The following SOCS5 variants were observed in gnomAD, a reference collection of about 807,000 sequenced individuals.
The protein encoded by SOCS5 is suppressor of cytokine signaling 5.
A neutral mutation model predicts 42.8 loss-of-function variants in SOCS5; 32 were observed. The observed-to-expected ratio is 0.75, with a 90% CI of 0.56 to 1.01. SOCS5 has a LOEUF of 1.01. Among genes scored for constraint, SOCS5 ranks in the 50% least tolerant of loss-of-function variants. The pLI is 0.00. For missense variants in SOCS5, 627 were observed against 653.0 expected, an observed-to-expected ratio of 0.96 and a Z score of 0.43; for synonymous variants, 283 against 229.6, an observed-to-expected ratio of 1.23 and a Z score of -2.10.
chr2:46,719,236 C>G (rs1558402733), intron 1 of SOCS5, among the ~76,000 whole-genome samples: 1 of 152,088 alleles, frequency 6.6e-6, no homozygotes, highest in African/African-American at 2.4e-5. Flanking sequence ...TGATACATGT[C>G]CAATCCTTTT....
chr2:46,719,618 G>C (rs564377113), intron 1 of SOCS5, among the ~76,000 whole-genome samples: 1 of 152,152 alleles, frequency 6.6e-6, no homozygotes, highest in East Asian at 1.9e-4. Flanking sequence ...TTTGACGTCT[G>C]TATCCCTGGC....
At chr2:46,707,409 G>A (rs1672520533) in intron 1 of SOCS5, among the ~76,000 whole-genome samples, 1 of 152,206 alleles carries the variant, frequency 6.6e-6, no homozygotes, top group African/African-American at 2.4e-5. Context: ...GCTAATGATT[G>A]TAAATAGTAT....
intron 1 of SOCS5, among the ~76,000 whole-genome samples, chr2:46,735,006 C>G (rs969419739): frequency 1.2e-4 from 19 of 152,222 alleles, no homozygotes; most frequent in African/African-American, 4.3e-4. Flanking sequence ...CCATTTTCCA[C>G]TTGGCACATA....
chr2:46,722,937 G>T (rs1672913962), intron 1 of SOCS5, among the ~76,000 whole-genome samples: 1 of 151,966 alleles, frequency 6.6e-6, no homozygotes. Flanking sequence ...TATGTACTCA[G>T]TTGCCTTCCA....
intron 1 of SOCS5, among the ~76,000 whole-genome samples, chr2:46,703,308 C>G (rs1672386308): frequency 6.6e-6 from 1 of 151,346 alleles, no homozygotes; most frequent in Admixed American, 6.6e-5. Context: ...CAAAGTGATG[C>G]TAGCAGGGCT....
At chr2:46,727,658 A>G (rs1280412598) in intron 1 of SOCS5, among the ~76,000 whole-genome samples, 2 of 152,004 alleles carry the variant, frequency 1.3e-5, no homozygotes, top group Non-Finnish European at 2.9e-5. Flanking sequence ...AGTCAGTTCG[A>G]GATAGGTGGT....
At chr2:46,736,842 A>AT (rs113762422) in intron 1 of SOCS5, among the ~76,000 whole-genome samples, 13,476 of 147,140 alleles carry the variant, frequency 0.092, 759 homozygotes, top group African/African-American at 0.16. Context: ...TGGATTTCAG[A>AT]TTTTTTTTTT....
intron 1 of SOCS5, among the ~76,000 whole-genome samples, chr2:46,730,658 A>G (rs1673095680): frequency 6.6e-6 from 1 of 152,224 alleles, no homozygotes; most frequent in African/African-American, 2.4e-5. Context: ...ATTTTTTCCC[A>G]TGAAATATTA....
At chr2:46,719,425 G>A (rs918332397) in intron 1 of SOCS5, among the ~76,000 whole-genome samples, 3 of 152,114 alleles carry the variant, frequency 2.0e-5, no homozygotes, top group Non-Finnish European at 2.9e-5. Context: ...AGTTCTTTAT[G>A]CACTTGAATA....
In SOCS5 at chr2:46,740,207, C is replaced by A. The variant is rs544405687; in HGVS notation, c.-12-18312C>A. On this transcript the variant is annotated intron_variant, in intron 1 of 1. Transcript: ENST00000394861. Reference sequence around the variant, plus strand: ...TTCAATCGTGAATGACCTTACCTTACCTGGCCATAGGTGATTGGACTGGCA... The same window carrying A: ...TTCAATCGTGAATGACCTTACCTTAACTGGCCATAGGTGATTGGACTGGCA... Among the ~76,000 whole-genome samples the A allele has an allele frequency of 2.0e-4, 31 of 152,274 alleles. No homozygotes were observed. In the South Asian group the frequency reaches 5.0e-3, roughly 24 times the overall value.
chr2:46,753,350 C>T (rs1009498301), intron 1 of SOCS5, among the ~76,000 whole-genome samples: 3 of 152,164 alleles, frequency 2.0e-5, no homozygotes, highest in African/African-American at 7.2e-5. Flanking sequence ...GGTACTACTA[C>T]AAATTTTAAT....
chr2:46,756,490 C>A (rs147296402), intron 1 of SOCS5, among the ~76,000 whole-genome samples: 1,616 of 152,016 alleles, frequency 0.011, 13 homozygotes, highest in Non-Finnish European at 0.015. Context: ...CCAGATTTGG[C>A]CTTCAGGCTT....
At chr2:46,702,782 T>C (rs1317196123) in intron 1 of SOCS5, among the ~76,000 whole-genome samples, 4 of 152,370 alleles carry the variant, frequency 2.6e-5, no homozygotes, top group East Asian at 3.9e-4. Flanking sequence ...CCATGTGTTT[T>C]AGCAAATGTT....
At chr2:46,735,421 G>A (rs1422973970) in intron 1 of SOCS5, among the ~76,000 whole-genome samples, 1 of 152,124 alleles carries the variant, frequency 6.6e-6, no homozygotes, top group Non-Finnish European at 1.5e-5. Flanking sequence ...TTAGTCCATG[G>A]CCACAAGGAA....
At chr2:46,721,899 G>A (rs1672892964) in intron 1 of SOCS5, among the ~76,000 whole-genome samples, 1 of 152,050 alleles carries the variant, frequency 6.6e-6, no homozygotes, top group South Asian at 2.1e-4. Context: ...TTTGGTGTCA[G>A]AGGGAATTAG....
At chr2:46,750,144 T>G (rs1056030268) in intron 1 of SOCS5, among the ~76,000 whole-genome samples, 3 of 152,180 alleles carry the variant, frequency 2.0e-5, no homozygotes, top group African/African-American at 7.2e-5. Flanking sequence ...AATTCATCCT[T>G]TCTGCTCCTG....
intron 1 of SOCS5, among the ~76,000 whole-genome samples, chr2:46,731,562 T>G (rs1040982854): frequency 6.6e-6 from 1 of 152,258 alleles, no homozygotes; most frequent in South Asian, 2.1e-4. Flanking sequence ...AAAATGTGAT[T>G]CTTATGACAC....
Position 46,758,875 on chromosome 2 carries a change from T to C in SOCS5, c.345T>C (p.Ser115=). The change falls in exon 2 of 2, where the codon TCT becomes TCC. Residue 115 remains serine, a synonymous_variant. Coordinates refer to ENST00000394861, the MANE Select transcript of SOCS5 (RefSeq NM_144949.3). ...GACTTGCACGAAGAGATTCCTACTC[T>C]CGACATGCTCCATGGGGTGGGAAGA... ...GTRLARRDSY[S]RHAPWGGKKK... The C allele has an allele frequency of 1.2e-6, 2 of 1,614,090 alleles. No individual in the cohort carries two copies. The highest frequency in any genetic ancestry group is 2.2e-5 in the East Asian group (1 of 44,882).
chr2:46,717,125 C>T (rs915438489), intron 1 of SOCS5, among the ~76,000 whole-genome samples: 4 of 152,122 alleles, frequency 2.6e-5, no homozygotes, highest in South Asian at 2.1e-4. Context: ...ACCCCTTTTG[C>T]ATGTTTTTGG....
Sources: allele counts gnomAD v4.1 joint callset (sites outside exome capture counted in the v4.1 genomes callset), GRCh38; gene constraint gnomAD v4.1.1; transcripts MANE v1.5; gene names NCBI Gene and HGNC (gene_info 2026-07-23, HGNC 2026-07-21).